TRABD2B: variants seen among roughly 807,000 people sequenced by gnomAD.
TRABD2B encodes TraB domain containing 2B, also known as metalloprotease TIKI2.
TRABD2B carries 14 observed loss-of-function variants against 40.1 expected under a neutral mutation model. The ratio of observed to expected loss-of-function variants is 0.35; its 90% CI spans 0.23 to 0.55. TRABD2B has a LOEUF of 0.55. Among genes scored for constraint, TRABD2B ranks in the 20% least tolerant of loss-of-function variants. The pLI is 0.90. For missense variants in TRABD2B, 541 were observed against 648.6 expected (o/e 0.83, Z 1.80); for synonymous variants, 263 against 277.0 (o/e 0.95, Z 0.50).
chr1:47,970,462 C>T (rs1460271432), intron 2 of TRABD2B, among the ~76,000 whole-genome samples: 2 of 152,128 alleles, frequency 1.3e-5, no homozygotes, highest in Non-Finnish European at 2.9e-5. Flanking sequence ...CTTCTAAGAT[C>T]TAGCTGAAAT....
intron 2 of TRABD2B, among the ~76,000 whole-genome samples, chr1:47,966,904 C>CATATAAAATAAAATAAAATAAAATA (rs1645611416): frequency 7.8e-6 from 1 of 128,706 alleles, no homozygotes; most frequent in Admixed American, 7.8e-5. Context: ...GACTCTGTCT[C>CATATAAAATAAAATAAAATAAAATA]AAATAAAATA....
At chr1:47,797,419 C>T (rs931520345) in intron 3 of TRABD2B, among the ~76,000 whole-genome samples, 14 of 152,182 alleles carry the variant, frequency 9.2e-5, no homozygotes, top group Admixed American at 8.5e-4. Context: ...TTGGAGAGTA[C>T]CATGAAGGCA....
chr1:47,924,079 C>G (rs954331595), intron 2 of TRABD2B, among the ~76,000 whole-genome samples: 2 of 152,008 alleles, frequency 1.3e-5, no homozygotes, highest in Admixed American at 1.3e-4. Context: ...CTCAAAGGGG[C>G]AGCTGTAGAG....
chr1:47,870,958 G>T (rs904703735), intron 2 of TRABD2B, among the ~76,000 whole-genome samples: 1 of 152,180 alleles, frequency 6.6e-6, no homozygotes, highest in Non-Finnish European at 1.5e-5. Context: ...CATCAGGACT[G>T]CAGGGAGACA....
At chr1:47,919,683 A>G (rs757198266) in intron 2 of TRABD2B, among the ~76,000 whole-genome samples, 1 of 152,370 alleles carries the variant, frequency 6.6e-6, no homozygotes, top group Non-Finnish European at 1.5e-5. Flanking sequence ...TAAGGAGGAC[A>G]TCACTCAAGG....
intron 2 of TRABD2B, among the ~76,000 whole-genome samples, chr1:47,961,774 A>G (rs1055779895): frequency 3.3e-5 from 5 of 152,248 alleles, no homozygotes; most frequent in African/African-American, 1.2e-4. Flanking sequence ...GGGACTGCAA[A>G]CTAGTTCAAC....
intron 2 of TRABD2B, among the ~76,000 whole-genome samples, chr1:47,990,769 T>A (rs866053444): frequency 1.6e-5 from 1 of 64,304 alleles, no homozygotes; most frequent in Non-Finnish European, 2.9e-5. Flanking sequence ...AAAACGTTGG[T>A]TTTATATATA....
At chr1:47,938,279 C>T (rs1228877455) in intron 2 of TRABD2B, among the ~76,000 whole-genome samples, 2 of 152,184 alleles carry the variant, frequency 1.3e-5, no homozygotes, top group Non-Finnish European at 1.5e-5. Flanking sequence ...GAAAGGAGAG[C>T]AGAGAGGCCA....
At chr1:47,857,183 G>A (rs972915047) in intron 2 of TRABD2B, among the ~76,000 whole-genome samples, 24 of 152,182 alleles carry the variant, frequency 1.6e-4, no homozygotes, top group African/African-American at 5.5e-4. Context: ...TTGGTGCATT[G>A]CAAGGATTTT....
chr1:47,860,237 G>A (rs1643946998), intron 2 of TRABD2B, among the ~76,000 whole-genome samples: 1 of 152,144 alleles, frequency 6.6e-6, no homozygotes, highest in Admixed American at 6.6e-5. Flanking sequence ...AATTCCTGAA[G>A]GCTCAGCTGA....
intron 2 of TRABD2B, among the ~76,000 whole-genome samples, chr1:47,856,675 A>T (rs1643894579): frequency 1.3e-5 from 2 of 152,314 alleles, no homozygotes; most frequent in South Asian, 4.1e-4. Context: ...CTCTGGTTAC[A>T]CACTGTCCAC....
intron 2 of TRABD2B, among the ~76,000 whole-genome samples, chr1:47,899,531 C>A (rs760653424): frequency 8.5e-5 from 13 of 152,236 alleles, no homozygotes; most frequent in Non-Finnish European, 1.5e-4. Context: ...AAGAGGATAT[C>A]TGCCTACGTG....
At chr1:47,916,049 G>A (rs1409417500) in intron 2 of TRABD2B, among the ~76,000 whole-genome samples, 1 of 152,000 alleles carries the variant, frequency 6.6e-6, no homozygotes, top group African/African-American at 2.4e-5. Flanking sequence ...GGGTTGCTGA[G>A]GACGCCGCAG....
At chr1:47,798,054 C>T (rs944254487) in intron 3 of TRABD2B, among the ~76,000 whole-genome samples, 1 of 152,132 alleles carries the variant, frequency 6.6e-6, no homozygotes, top group East Asian at 1.9e-4. Flanking sequence ...TTCCATGAGC[C>T]GGGCCCTGTG....
intron 2 of TRABD2B, among the ~76,000 whole-genome samples, chr1:47,958,860 A>T (rs1024075813): frequency 3.3e-5 from 5 of 152,206 alleles, no homozygotes; most frequent in Non-Finnish European, 7.3e-5. Context: ...CACCAACCGG[A>T]CCTAATAGAC....
chr1:47,785,861 G>T (rs1379850247), intron 4 of TRABD2B, among the ~76,000 whole-genome samples: 1 of 152,198 alleles, frequency 6.6e-6, no homozygotes, highest in African/African-American at 2.4e-5. Context: ...GCAGGGACAG[G>T]GCCCCACGCC....
At chr1:47,852,498 C>A (rs113889575) in intron 2 of TRABD2B, among the ~76,000 whole-genome samples, 1 of 152,182 alleles carries the variant, frequency 6.6e-6, no homozygotes, top group South Asian at 2.1e-4. Flanking sequence ...GGCTGCGCAA[C>A]GCCAAGAATC....
chr1:47,775,123 G>A (rs1029202349), intron 6 of TRABD2B, 47 bp downstream of exon 6: 14 of 1,232,108 alleles, frequency 1.1e-5, no homozygotes, highest in African/African-American at 1.1e-4. Context: ...ATACTATCCC[G>A]GGTGCAGACG....
intron 2 of TRABD2B, among the ~76,000 whole-genome samples, chr1:47,951,598 G>A (rs1384175130): frequency 6.6e-6 from 1 of 152,152 alleles, no homozygotes; most frequent in Non-Finnish European, 1.5e-5. Context: ...CCAGATGTGG[G>A]GCACAGCTGG....
Sources: allele counts gnomAD v4.1 joint callset (sites outside exome capture counted in the v4.1 genomes callset), GRCh38; gene constraint gnomAD v4.1.1; transcripts MANE v1.5; gene names NCBI Gene and HGNC (gene_info 2026-07-23, HGNC 2026-07-21).